Variants in DPY19L2 observed in about 807,000 individuals in gnomAD.
DPY19L2 encodes dpy-19 like 2.
DPY19L2 carries 34 observed loss-of-function variants against 97.9 expected under a neutral mutation model. That is an observed-to-expected ratio of 0.35 (90% CI 0.26 to 0.46). The LOEUF is 0.46. DPY19L2 is among the 20% of genes least tolerant of loss of function. The pLI is 1.00. For missense variants in DPY19L2, 623 were observed against 911.4 expected (o/e 0.68, Z 4.07); for synonymous variants, 230 against 307.9 (o/e 0.75, Z 2.65).
intron 4 of DPY19L2, among the ~76,000 whole-genome samples, chr12:63,648,875 A>T (rs1424143293): frequency 6.6e-6 from 1 of 152,182 alleles, no homozygotes; most frequent in Admixed American, 6.5e-5. Flanking sequence ...CAATACAGAG[A>T]TGAAAGAAAT....
intron 9 of DPY19L2, among the ~76,000 whole-genome samples, chr12:63,619,750 C>G (rs1335760314): frequency 6.6e-6 from 1 of 152,072 alleles, no homozygotes; most frequent in African/African-American, 2.4e-5. Flanking sequence ...AGTGATCCAC[C>G]CGCCTCAGCC....
At chr12:63,622,472 C>T (rs1238813874) in intron 8 of DPY19L2, among the ~76,000 whole-genome samples, 1 of 152,140 alleles carries the variant, frequency 6.6e-6, no homozygotes, top group Non-Finnish European at 1.5e-5. Flanking sequence ...AGAAGTTAGC[C>T]TGCTCCATTC....
intron 13 of DPY19L2, among the ~76,000 whole-genome samples, chr12:63,598,945 G>A (rs1224442807): frequency 6.6e-6 from 1 of 151,628 alleles, no homozygotes; most frequent in Non-Finnish European, 1.5e-5. Context: ...GGCCCAGGCA[G>A]GCGGATCACT....
At chr12:63,639,503 G>GA (rs201089632) in intron 6 of DPY19L2, among the ~76,000 whole-genome samples, 15,991 of 151,938 alleles carry the variant, frequency 0.11, 1,087 homozygotes, top group East Asian at 0.28. Context: ...AAATTTATAA[G>GA]AAAAAAATCA....
At chr12:63,562,768 GT>G (rs1485981010) in intron 21 of DPY19L2, among the ~76,000 whole-genome samples, 1 of 144,770 alleles carries the variant, frequency 6.9e-6, no homozygotes, top group African/African-American at 2.5e-5. Flanking sequence ...GCATCTTTTT[GT>G]GTGATTATTT....
chr12:63,622,563 G>A, intron 8 of DPY19L2, among the ~76,000 whole-genome samples: 2 of 152,120 alleles, frequency 1.3e-5, no homozygotes, highest in Non-Finnish European at 1.5e-5. Context: ...TATTTGCATG[G>A]ACGTGTGCAG....
chr12:63,591,389 T>C (rs1427178104), intron 16 of DPY19L2, among the ~76,000 whole-genome samples: 14 of 152,200 alleles, frequency 9.2e-5, no homozygotes, highest in Non-Finnish European at 2.9e-5. Context: ...TGAAAATTAC[T>C]ATTAGGTACT....
chr12:63,664,166 G>A (rs1166586899), intron 2 of DPY19L2, among the ~76,000 whole-genome samples: 7 of 151,794 alleles, frequency 4.6e-5, no homozygotes, highest in East Asian at 1.9e-4. Flanking sequence ...ATGAAACCCC[G>A]TCTGTACTAA....
chr12:63,591,715 C>T (rs1882950128), intron 16 of DPY19L2, among the ~76,000 whole-genome samples: 1 of 151,564 alleles, frequency 6.6e-6, no homozygotes, highest in Non-Finnish European at 1.5e-5. Flanking sequence ...ATTATACCCC[C>T]TCTGAAAGTT....
chr12:63,616,725 G>A (rs983831833), intron 11 of DPY19L2, among the ~76,000 whole-genome samples: 1 of 152,094 alleles, frequency 6.6e-6, no homozygotes, highest in African/African-American at 2.4e-5. Context: ...AAAGTAGTTT[G>A]GAACTACACT....
chr12:63,651,786 C>A (rs1894270745), intron 4 of DPY19L2: 1 of 344,200 alleles, frequency 2.9e-6, no homozygotes, highest in Non-Finnish European at 5.8e-6. Flanking sequence ...TACAAAGAAC[C>A]AGAAGGACCC....
chr12:63,589,644 AT>A (rs749056130), intron 16 of DPY19L2, among the ~76,000 whole-genome samples: 68 of 152,024 alleles, frequency 4.5e-4, no homozygotes, highest in Non-Finnish European at 4.6e-4. Flanking sequence ...ATGAAAAAAA[AT>A]TTTCATGTTT....
intron 6 of DPY19L2, among the ~76,000 whole-genome samples, chr12:63,634,835 T>TG (rs1891381898): frequency 1.3e-5 from 2 of 152,176 alleles, no homozygotes; most frequent in South Asian, 4.1e-4. Flanking sequence ...TGCCTGCCTC[T>TG]GTAGACTCCA....
chr12:63,653,930 A>G (rs1470875682), intron 4 of DPY19L2, among the ~76,000 whole-genome samples: 1 of 152,066 alleles, frequency 6.6e-6, no homozygotes, highest in Non-Finnish European at 1.5e-5. Flanking sequence ...CCAGAATCCT[A>G]TGTCCAGCAA....
At chr12:63,645,760 T>C (rs980900594) in intron 5 of DPY19L2, among the ~76,000 whole-genome samples, 4 of 152,168 alleles carry the variant, frequency 2.6e-5, no homozygotes, top group Non-Finnish European at 5.9e-5. Flanking sequence ...CATTTCCACA[T>C]TATCTTTCCT....
chr12:63,587,424 C>G (rs1379516022), intron 16 of DPY19L2, among the ~76,000 whole-genome samples: 1 of 151,448 alleles, frequency 6.6e-6, no homozygotes, highest in Non-Finnish European at 1.5e-5. Context: ...TTTGAACTTC[C>G]CCTAAATAAG....
At chr12:63,594,639 T>C (rs1883871370) in intron 15 of DPY19L2, among the ~76,000 whole-genome samples, 1 of 128,434 alleles carries the variant, frequency 7.8e-6, no homozygotes, top group Non-Finnish European at 1.6e-5. Context: ...TGCAGGGACG[T>C]GTGTGTGCGT....
intron 16 of DPY19L2, among the ~76,000 whole-genome samples, chr12:63,589,028 C>T (rs1882355176): frequency 6.6e-6 from 1 of 151,950 alleles, no homozygotes; most frequent in Admixed American, 6.5e-5. Context: ...GCTGGTATTA[C>T]AGGCGTGAGC....
intron 16 of DPY19L2, among the ~76,000 whole-genome samples, chr12:63,588,677 C>T (rs1437501834): frequency 6.6e-6 from 1 of 150,978 alleles, no homozygotes; most frequent in Admixed American, 6.6e-5. Context: ...ACATTATATA[C>T]TTTCAACATC....
Sources: gnomAD v4.1 joint callset for allele counts (sites outside exome capture counted in the v4.1 genomes callset) on GRCh38, gnomAD v4.1.1 for gene constraint, MANE v1.5 for transcripts, NCBI Gene and HGNC (gene_info 2026-07-23, HGNC 2026-07-21) for gene names.